KLHL1: variants seen among roughly 807,000 people sequenced by gnomAD.
KLHL1 encodes kelch like family member 1.
A neutral mutation model predicts 77.7 loss-of-function variants in KLHL1; 47 were observed. The ratio of observed to expected loss-of-function variants is 0.60; its 90% CI spans 0.48 to 0.77. The LOEUF (loss-of-function observed/expected upper bound fraction) is 0.77, where lower values mean the gene tolerates loss of function less well. KLHL1 is among the 30% of genes least tolerant of loss of function. KLHL1 has a pLI of 0.00. For missense variants in KLHL1, 925 were observed against 910.8 expected (o/e 1.02, Z -0.20); for synonymous variants, 360 against 325.2 (o/e 1.11, Z -1.15).
intron 5 of KLHL1, among the ~76,000 whole-genome samples, chr13:69,877,877 C>T (rs1180696018): frequency 1.3e-5 from 2 of 152,152 alleles, no homozygotes; most frequent in South Asian, 2.1e-4. Context: ...ACTTAATGTG[C>T]TAATTTATAA....
At chr13:69,728,100 C>T (rs1327743281) in intron 8 of KLHL1, among the ~76,000 whole-genome samples, 2 of 151,906 alleles carry the variant, frequency 1.3e-5, no homozygotes, top group African/African-American at 4.8e-5. Flanking sequence ...GATTAGTAGC[C>T]CCAACTGAGA....
At chr13:69,778,376 A>G (rs1251593082) in intron 7 of KLHL1, among the ~76,000 whole-genome samples, 1 of 152,160 alleles carries the variant, frequency 6.6e-6, no homozygotes, top group Non-Finnish European at 1.5e-5. Flanking sequence ...TCTAGTTTAA[A>G]GGGCCAGTTT....
chr13:69,958,316 C>T lies in KLHL1; in HGVS notation c.817+2992G>A, dbSNP rs200953427. ...ACTGAATTTCTCTGAAAAACCTGAT[C>T]TCATTGCTTCTCATCTAATTTTTTG... On this transcript the variant is annotated intron_variant, in intron 3 of 10. Coordinates refer to ENST00000377844, the MANE Select transcript of KLHL1 (RefSeq NM_020866.3). Among the ~76,000 whole-genome samples the T allele has an allele frequency of 4.6e-5, 7 of 151,802 alleles. No homozygotes were observed. The East Asian group carries it at 7.8e-4, about 17-fold the overall frequency.
At chr13:70,072,370 G>A (rs1241498459) in intron 1 of KLHL1, among the ~76,000 whole-genome samples, 1 of 152,094 alleles carries the variant, frequency 6.6e-6, no homozygotes. Context: ...AGTTAAGGTA[G>A]AAATGATGCC....
At chr13:70,103,781 G>C (rs1345789706) in intron 1 of KLHL1, among the ~76,000 whole-genome samples, 1 of 152,132 alleles carries the variant, frequency 6.6e-6, no homozygotes. Flanking sequence ...GAAGGAAATT[G>C]AGCAAGACAG....
intron 6 of KLHL1, among the ~76,000 whole-genome samples, chr13:69,801,787 A>G (rs141598033): frequency 5.7e-4 from 87 of 152,318 alleles, no homozygotes; most frequent in South Asian, 1.7e-3. Flanking sequence ...ATAGGTGTGT[A>G]GCATTTGTAG....
In KLHL1 at chr13:70,017,032, G is replaced by A. The variant is rs550383155; in HGVS notation, c.498-41230C>T. Reference sequence around the variant, plus strand: ...ATATGGACAACCTGCATGCAGAAAGGAGCTACTCATTTTCATTCTCCTGAG... The same window carrying A: ...ATATGGACAACCTGCATGCAGAAAGAAGCTACTCATTTTCATTCTCCTGAG... On this transcript the variant is annotated intron_variant, in intron 1 of 10. Transcript: ENST00000377844. 2.2e-4 allele frequency among the ~76,000 whole-genome samples: 34 copies of A among 152,242 alleles called. No homozygotes were observed. The South Asian group carries it at 6.8e-3, about 31-fold the overall frequency.
chr13:69,751,110 GTA>G (rs1485640696), intron 7 of KLHL1, among the ~76,000 whole-genome samples: 77 of 132,470 alleles, frequency 5.8e-4, no homozygotes, highest in African/African-American at 2.2e-3. Flanking sequence ...TGTCATGTGT[GTA>G]TGTGTGTGTG....
chr13:69,956,679 C>A (rs1215191231), intron 3 of KLHL1, among the ~76,000 whole-genome samples: 1 of 151,592 alleles, frequency 6.6e-6, no homozygotes, highest in Admixed American at 6.6e-5. Context: ...TACTATTGAT[C>A]ATTTCAAGGT....
chr13:69,714,945 T>C (rs955255829), intron 9 of KLHL1, among the ~76,000 whole-genome samples: 1 of 152,132 alleles, frequency 6.6e-6, no homozygotes, highest in African/African-American at 2.4e-5. Flanking sequence ...TTCGTGCATA[T>C]TTGTATTTCC....
In KLHL1 at chr13:69,784,111, A is replaced by ATACTT. The variant is rs572824053; in HGVS notation, c.1639+12622_1639+12626dup. On this transcript the variant is annotated intron_variant, in intron 7 of 10. Coordinates refer to ENST00000377844, the MANE Select transcript of KLHL1 (RefSeq NM_020866.3). ...GCCTCATAAGTGAAGGAGAAATAAA[A>ATACTT]TACTTTACAGACAAGCAAATGCTGA... 8.6e-3 allele frequency among the ~76,000 whole-genome samples: 1,311 copies of ATACTT among 152,238 alleles called. 8 individuals carry two copies. Among genetic ancestry groups the ATACTT allele is most frequent in the African/African-American group, 0.03 (1,243 of 41,530 alleles).
intron 7 of KLHL1, among the ~76,000 whole-genome samples, chr13:69,789,109 TAA>T (rs1165244593): frequency 2.0e-4 from 30 of 151,924 alleles, no homozygotes; most frequent in African/African-American, 6.7e-4. Flanking sequence ...ATGCCTATAT[TAA>T]AATCTGTATC....
At chr13:70,030,517 C>T (rs1260209062) in intron 1 of KLHL1, among the ~76,000 whole-genome samples, 2 of 152,118 alleles carry the variant, frequency 1.3e-5, no homozygotes, top group Non-Finnish European at 2.9e-5. Flanking sequence ...GAAATGAAGG[C>T]AGAAATAAAG....
At chr13:69,726,178 T>C (rs1462495934) in intron 8 of KLHL1, among the ~76,000 whole-genome samples, 1 of 152,160 alleles carries the variant, frequency 6.6e-6, no homozygotes, top group African/African-American at 2.4e-5. Flanking sequence ...TTTTGCTAAG[T>C]AGCTTGGGAT....
chr13:70,066,830 C>T (rs1330088770), intron 1 of KLHL1, among the ~76,000 whole-genome samples: 1 of 152,092 alleles, frequency 6.6e-6, no homozygotes, highest in Non-Finnish European at 1.5e-5. Context: ...ATGAAAGTGG[C>T]CAAATTTTAT....
intron 2 of KLHL1, among the ~76,000 whole-genome samples, chr13:69,969,257 T>C (rs940012338): frequency 6.6e-6 from 1 of 152,112 alleles, no homozygotes; most frequent in African/African-American, 2.4e-5. Context: ...TTAATATTAA[T>C]GCTGAGGATG....
intron 8 of KLHL1, among the ~76,000 whole-genome samples, chr13:69,736,688 ATG>A (rs1491573898): frequency 0.037 from 5,099 of 139,658 alleles, 264 homozygotes; most frequent in African/African-American, 0.15. Flanking sequence ...AGATATATAT[ATG>A]TATATATATA....
intron 5 of KLHL1, among the ~76,000 whole-genome samples, chr13:69,880,496 T>C (rs1880947118): frequency 6.6e-6 from 1 of 152,172 alleles, no homozygotes; most frequent in Non-Finnish European, 1.5e-5. Flanking sequence ...ATTTTGTTAA[T>C]AGTGACATCA....
chr13:69,781,692 A>C, intron 7 of KLHL1, among the ~76,000 whole-genome samples: 1 of 152,144 alleles, frequency 6.6e-6, no homozygotes, highest in Non-Finnish European at 1.5e-5. Context: ...ACAAAATTTG[A>C]AACACATAAA....
Sources: gnomAD v4.1 joint callset for allele counts (sites outside exome capture counted in the v4.1 genomes callset) on GRCh38, gnomAD v4.1.1 for gene constraint, MANE v1.5 for transcripts, NCBI Gene and HGNC (gene_info 2026-07-23, HGNC 2026-07-21) for gene names.